Variants in DOK6 observed in about 807,000 individuals in gnomAD.
The protein encoded by DOK6 is docking protein 6, also known as downstream of tyrosine kinase 6.
In DOK6, 22 loss-of-function variants were observed where a neutral mutation model predicts 44.0. That is an observed-to-expected ratio of 0.50 (90% confidence interval 0.36 to 0.71). The LOEUF is 0.71. DOK6 is among the 30% of genes least tolerant of loss of function. DOK6 has a pLI of 0.00. For synonymous variants in DOK6, 166 were observed against 145.5 expected, an observed-to-expected ratio of 1.14 and a Z score of -1.01; for missense variants, 340 against 416.4, an observed-to-expected ratio of 0.82 and a Z score of 1.60.
intron 6 of DOK6, among the ~76,000 whole-genome samples, chr18:69,742,436 A>T (rs987836307): frequency 1.4e-4 from 22 of 151,876 alleles, no homozygotes; most frequent in Non-Finnish European, 2.8e-4. Context: ...AAAGAAAAAG[A>T]AAAAGAAAAA....
At chr18:69,802,561 A>G (rs1167467161) in intron 7 of DOK6, among the ~76,000 whole-genome samples, 1 of 152,140 alleles carries the variant, frequency 6.6e-6, no homozygotes, top group African/African-American at 2.4e-5. Context: ...CTAGTGGGAG[A>G]TATTTGGATC....
chr18:69,586,899 T>G (rs1352633558), intron 2 of DOK6, among the ~76,000 whole-genome samples: 1 of 152,058 alleles, frequency 6.6e-6, no homozygotes, highest in Non-Finnish European at 1.5e-5. Context: ...TGTGTGGACT[T>G]CCTAGCAATC....
chr18:69,637,389 A>C (rs1026333418), intron 3 of DOK6, among the ~76,000 whole-genome samples: 1 of 152,248 alleles, frequency 6.6e-6, no homozygotes, highest in African/African-American at 2.4e-5. Flanking sequence ...AAAAGGAAAT[A>C]AAAAGATACT....
intron 1 of DOK6, among the ~76,000 whole-genome samples, chr18:69,534,130 A>T (rs944094881): frequency 7.9e-5 from 12 of 152,128 alleles, no homozygotes; most frequent in African/African-American, 2.9e-4. Context: ...CAATCTGCCA[A>T]ATGGAAGGCT....
At position 69,846,887 on chromosome 18, in the gene DOK6, T is replaced by C. The variant is rs1568144747; in HGVS notation, c.*5504T>C. On this transcript the variant is annotated 3_prime_UTR_variant, in exon 8 of 8. Transcript: ENST00000382713. ...GGGAAATGACTTTTTTACATTATAA[T>C]ACCTTATATATTAGGTTTTTCCTGA... The C allele has an allele frequency of 6.6e-6, 1 of 152,168 alleles. No homozygotes were observed. The highest frequency in any genetic ancestry group is 2.1e-4 in the South Asian group (1 of 4,826). The allele number at this position is 152,168 out of a possible 1,614,324, so 9.4% of individuals were successfully genotyped here. A position where few individuals can be genotyped will look rare whatever the true frequency, so the allele number is the denominator to read the frequency against.
At chr18:69,791,280 T>C (rs1012494670) in intron 7 of DOK6, among the ~76,000 whole-genome samples, 2 of 152,220 alleles carry the variant, frequency 1.3e-5, no homozygotes, top group Non-Finnish European at 1.5e-5. Flanking sequence ...GTGGTGGGAT[T>C]GCTGGATCAT....
chr18:69,790,197 A>G (rs1295480714), intron 7 of DOK6, among the ~76,000 whole-genome samples: 1 of 150,044 alleles, frequency 6.7e-6, no homozygotes, highest in African/African-American at 2.4e-5. Flanking sequence ...CGTTTCACTC[A>G]TAAGTGGGAG....
chr18:69,696,983 A>T (rs1454544043), intron 4 of DOK6, among the ~76,000 whole-genome samples: 1 of 152,246 alleles, frequency 6.6e-6, no homozygotes, highest in Admixed American at 6.5e-5. Flanking sequence ...TGAAATCCAT[A>T]CACATATTAG....
At chr18:69,514,444 G>C (rs1444241192) in intron 1 of DOK6, among the ~76,000 whole-genome samples, 1 of 152,068 alleles carries the variant, frequency 6.6e-6, no homozygotes, top group Non-Finnish European at 1.5e-5. Context: ...AATTTTAATA[G>C]GATATTGTGT....
Position 69,841,963 on chromosome 18 carries a change from C to T in DOK6, c.*580C>T, listed in dbSNP as rs72953879. Reference sequence around the variant, plus strand: ...GTAGCTCTACTCGTGTGTGTGTGTGCGTGTGTGTGTGTGTGTGTAGACAAA... The same window carrying T: ...GTAGCTCTACTCGTGTGTGTGTGTGTGTGTGTGTGTGTGTGTGTAGACAAA... On this transcript the variant is annotated 3_prime_UTR_variant, in exon 8 of 8. Coordinates refer to ENST00000382713, the MANE Select transcript of DOK6 (RefSeq NM_152721.6). 3.9e-4 allele frequency: 59 copies of T among 150,230 alleles called. No individual in the cohort carries two copies. The highest frequency in any genetic ancestry group is 1.1e-3 in the Admixed American group (16 of 15,124). The allele number at this position is 150,230 out of a possible 1,614,324, so 9.3% of individuals were successfully genotyped here.
intron 6 of DOK6, among the ~76,000 whole-genome samples, chr18:69,740,732 A>G (rs1978772148): frequency 6.6e-6 from 1 of 152,210 alleles, no homozygotes; most frequent in Non-Finnish European, 1.5e-5. Flanking sequence ...GGTTGTTATG[A>G]GGTTTCTGCG....
intron 1 of DOK6, among the ~76,000 whole-genome samples, chr18:69,445,572 T>C (rs1209386791): frequency 1.3e-5 from 2 of 152,210 alleles, no homozygotes; most frequent in Non-Finnish European, 2.9e-5. Context: ...TAGATTTTTT[T>C]CCTTCAGTCT....
intron 7 of DOK6, among the ~76,000 whole-genome samples, chr18:69,794,472 A>T (rs1374776549): frequency 6.6e-6 from 1 of 152,178 alleles, no homozygotes; most frequent in Non-Finnish European, 1.5e-5. Context: ...TAAATGAGGT[A>T]GTACTTTCCC....
chr18:69,498,706 A>G (rs1309972403), intron 1 of DOK6, among the ~76,000 whole-genome samples: 1 of 152,146 alleles, frequency 6.6e-6, no homozygotes, highest in African/African-American at 2.4e-5. Context: ...GATTTTTATA[A>G]CTATTTTCAG....
At chr18:69,768,724 G>A (rs1051508351) in intron 7 of DOK6, among the ~76,000 whole-genome samples, 1 of 151,422 alleles carries the variant, frequency 6.6e-6, no homozygotes, top group Non-Finnish European at 1.5e-5. Context: ...AGAATAAACT[G>A]CAGAGTTGAT....
At chr18:69,497,207 C>A (rs1350208705) in intron 1 of DOK6, among the ~76,000 whole-genome samples, 2 of 152,198 alleles carry the variant, frequency 1.3e-5, no homozygotes, top group Non-Finnish European at 2.9e-5. Flanking sequence ...AGATTATTAT[C>A]AAACCTTCTA....
intron 7 of DOK6, among the ~76,000 whole-genome samples, chr18:69,826,840 T>C (rs780412103): frequency 6.6e-5 from 10 of 152,216 alleles, no homozygotes; most frequent in Non-Finnish European, 1.0e-4. Context: ...ATAAACTTTC[T>C]CAATTCCCTA....
intron 1 of DOK6, among the ~76,000 whole-genome samples, chr18:69,492,934 CT>C (rs1485385298): frequency 6.6e-6 from 1 of 151,896 alleles, no homozygotes; most frequent in African/African-American, 2.4e-5. Context: ...ACTACCTGTG[CT>C]TTTTCCTTTT....
At chr18:69,566,357 C>T (rs1415784006) in intron 2 of DOK6, among the ~76,000 whole-genome samples, 3 of 152,082 alleles carry the variant, frequency 2.0e-5, no homozygotes, top group African/African-American at 4.8e-5. Context: ...AGGATGGTCT[C>T]GATCTTCTGA....
Sources: allele counts gnomAD v4.1 joint callset (sites outside exome capture counted in the v4.1 genomes callset), GRCh38; gene constraint gnomAD v4.1.1; transcripts MANE v1.5; gene names NCBI Gene and HGNC (gene_info 2026-07-23, HGNC 2026-07-21).